RMC1: variants seen among roughly 807,000 people sequenced by gnomAD.
RMC1 encodes regulator of MON1-CCZ1 complex.
A neutral mutation model predicts 95.5 loss-of-function variants in RMC1; 44 were observed. The ratio of observed to expected loss-of-function variants is 0.46; its 90% CI spans 0.36 to 0.59. The LOEUF (loss-of-function observed/expected upper bound fraction) is 0.59. RMC1 is among the 20% of genes least tolerant of loss of function. RMC1 has a pLI of 0.00. For synonymous variants in RMC1, 320 were observed against 303.6 expected, an observed-to-expected ratio of 1.05 and a Z score of -0.56; for missense variants, 705 against 819.6, an observed-to-expected ratio of 0.86 and a Z score of 1.71.
intron 6 of RMC1, 67 bp downstream of exon 6, chr18:23,516,063 A>G: frequency 6.2e-7 from 1 of 1,605,494 alleles, no homozygotes; most frequent in Non-Finnish European, 8.5e-7. Context: ...TAGCATCCTA[A>G]TGTGTCAGGC....
chr18:23,513,725 T>G (rs991378554), intron 5 of RMC1, among the ~76,000 whole-genome samples: 1 of 152,244 alleles, frequency 6.6e-6, no homozygotes, highest in African/African-American at 2.4e-5. Flanking sequence ...TTGTTTTGTT[T>G]TTGATACTAG....
At chr18:23,517,749 G>A (rs999970528) in intron 7 of RMC1, among the ~76,000 whole-genome samples, 6 of 151,314 alleles carry the variant, frequency 4.0e-5, no homozygotes, top group South Asian at 4.2e-4. Flanking sequence ...GGAGAGTGTC[G>A]CTCTGTTGCC....
At position 23,530,276 on chromosome 18, in the gene RMC1, G is replaced by C. The variant is rs1222963933; in HGVS notation, c.1647G>C (p.Gln549His). The stretch of plus-strand genomic sequence containing the variant: ...AGAGTTTCTATCCTCCTGCTCATCA[G>C]CTATCTCTGGACATGCTGAAGGTAA... ...SLESFYPPAH[Q>H]LSLDMLKRLS... The change falls in exon 18 of 20, where the codon CAG becomes CAC. Residue 549 changes from glutamine (Q) to histidine (H), a missense_variant. Coordinates refer to ENST00000269221, the MANE Select transcript of RMC1 (RefSeq NM_013326.5). 6.2e-7 allele frequency: 1 copy of C among 1,614,076 alleles called. No individual in the cohort carries two copies. Among genetic ancestry groups the C allele is most frequent in the Non-Finnish European group, 8.5e-7 (1 of 1,180,044 alleles).
At chr18:23,507,890 A>T in intron 3 of RMC1, 95 bp from the exon 4 acceptor site, 1 of 1,044,186 alleles carries the variant, frequency 9.6e-7, no homozygotes, top group Non-Finnish European at 1.3e-6. Flanking sequence ...TTTTTAAGTT[A>T]ATATTTATTT....
intron 15 of RMC1, 42 bp from the exon 16 acceptor site, chr18:23,529,593 C>T: frequency 1.3e-6 from 2 of 1,532,808 alleles, no homozygotes; most frequent in Non-Finnish European, 9.0e-7. Flanking sequence ...GCCTCTTTTG[C>T]ACCTCGTTGG....
chr18:23,529,829 T>A (rs1567936337), intron 16 of RMC1, 117 bp downstream of exon 16: 3 of 1,136,808 alleles, frequency 2.6e-6, no homozygotes, highest in Middle Eastern at 2.0e-4. Context: ...TGACTCAGAA[T>A]GCTGAGTGAC....
At chr18:23,525,408 C>A (rs563258140) in intron 12 of RMC1, among the ~76,000 whole-genome samples, 95 of 152,080 alleles carry the variant, frequency 6.2e-4, no homozygotes, top group Non-Finnish European at 1.1e-3. Context: ...TCACCACGCC[C>A]AGTTAATTTA....
At position 23,506,858 on chromosome 18, in the gene RMC1, T is replaced by G. The variant is rs2057729139; in HGVS notation, c.180-112T>G. The G allele has an allele frequency of 1.5e-5, 11 of 737,352 alleles. No individual in the cohort carries two copies. In the Admixed American group the frequency reaches 2.4e-4, roughly 16 times the overall value. The allele number at this position is 737,352 out of a possible 1,614,324, so 45.7% of individuals were successfully genotyped here. On this transcript the variant is annotated intron_variant, in intron 2 of 19. Coordinates refer to ENST00000269221, the MANE Select transcript of RMC1 (RefSeq NM_013326.5). ...GGCTTCCGAAACATAATTTTAATTT[T>G]AGACTAGAATTTGCTGCCTCCTGAA...
At chr18:23,529,151 A>G (rs2058402653) in intron 14 of RMC1, 28 bp from the exon 15 acceptor site, 1 of 1,603,518 alleles carries the variant, frequency 6.2e-7, no homozygotes, top group Non-Finnish European at 8.5e-7. Context: ...GATGCCGAAG[A>G]TCATAGTTTG....
chr18:23,526,059 G>GGT (rs1462405706), intron 12 of RMC1, among the ~76,000 whole-genome samples: 1 of 152,168 alleles, frequency 6.6e-6, no homozygotes, highest in Admixed American at 6.5e-5. Context: ...AACTGAAAAG[G>GGT]GGGTCACCCA....
intron 10 of RMC1, among the ~76,000 whole-genome samples, chr18:23,521,476 T>C (rs922075718): frequency 6.6e-6 from 1 of 152,208 alleles, no homozygotes; most frequent in African/African-American, 2.4e-5. Flanking sequence ...ATTGCATTCT[T>C]TGGGACTGAC....
intron 2 of RMC1, among the ~76,000 whole-genome samples, chr18:23,505,701 C>T (rs190546152): frequency 6.6e-6 from 1 of 152,240 alleles, no homozygotes; most frequent in African/African-American, 2.4e-5. Flanking sequence ...AAGAGCAGCG[C>T]TCTGGTGGTG....
chr18:23,528,262 T>G (rs906041641), intron 14 of RMC1: 3 of 169,462 alleles, frequency 1.8e-5, no homozygotes, highest in African/African-American at 7.2e-5. Context: ...ACTTAGAAAA[T>G]TAAATTAGAA....
chr18:23,520,220 A>G lies in RMC1; in HGVS notation c.868A>G (p.Ile290Val). ...CCCCCAGACATCGGTAATATTCGAT[A>G]TCAAGTTACGGGGAGAGTTTGACGG... Reference protein sequence around the residue: ...QDTETSVIFDIKLRGEFDGSV... With the variant: ...QDTETSVIFDVKLRGEFDGSV... The change falls in exon 10 of 20, where the codon ATC becomes GTC. Residue 290 changes from isoleucine (I) to valine (V), a missense_variant. Transcript: ENST00000269221. The G allele has an allele frequency of 6.2e-7, 1 of 1,613,890 alleles. No individual in the cohort carries two copies. Among genetic ancestry groups the G allele is most frequent in the East Asian group, 2.2e-5 (1 of 44,882 alleles).
intron 11 of RMC1, 92 bp downstream of exon 11, chr18:23,524,266 A>G: frequency 3.2e-6 from 5 of 1,544,726 alleles, no homozygotes; most frequent in Non-Finnish European, 4.5e-6. Flanking sequence ...GCAGCTGTGA[A>G]TAACACTCCG....
chr18:23,523,543 CAAAAA>C (rs374224848), intron 10 of RMC1, among the ~76,000 whole-genome samples: 39 of 76,382 alleles, frequency 5.1e-4, no homozygotes, highest in East Asian at 3.7e-3. Context: ...CTTGTCTTCA[CAAAAA>C]AAAAAAAAAA....
At position 23,520,124 on chromosome 18, in the gene RMC1, A is replaced by G. The variant is rs943934283; in HGVS notation, c.850-78A>G. On this transcript the variant is annotated intron_variant, in intron 9 of 19. Transcript: ENST00000269221. ...CACAGGCTTTTAAACTGATTTAAAC[A>G]GCAAGATGGGATGGAATGAAAGCAA... The G allele has an allele frequency of 3.7e-6, 4 of 1,087,916 alleles. No homozygotes were observed. In the African/African-American group the frequency reaches 6.2e-5, roughly 17 times the overall value. 67.4% of individuals were successfully genotyped at this position (1,087,916 alleles called of 1,614,324 possible).
At chr18:23,504,621 T>C (rs1033789442) in intron 2 of RMC1, 174 bp downstream of exon 2, 1 of 554,542 alleles carries the variant, frequency 1.8e-6, no homozygotes, top group Admixed American at 3.1e-5. Flanking sequence ...TACTAGCACC[T>C]CTTGTCAGAG....
At chr18:23,519,317 A>G in intron 9 of RMC1, 143 bp downstream of exon 9, 1 of 688,422 alleles carries the variant, frequency 1.5e-6, no homozygotes, top group Non-Finnish European at 2.5e-6. Flanking sequence ...CAGGAGTTCG[A>G]GACCAGCCTG....
Sources: allele counts gnomAD v4.1 joint callset (sites outside exome capture counted in the v4.1 genomes callset), GRCh38; gene constraint gnomAD v4.1.1; transcripts MANE v1.5; gene names NCBI Gene and HGNC (gene_info 2026-07-23, HGNC 2026-07-21).